The following MUC5AC variants were observed in gnomAD, a reference collection of about 807,000 sequenced individuals.
MUC5AC encodes mucin 5AC, oligomeric mucus/gel-forming.
In MUC5AC, 158 loss-of-function variants were observed where a neutral mutation model predicts 169.7. The ratio of observed to expected loss-of-function variants is 0.93; its 90% confidence interval spans 0.82 to 1.06. The LOEUF is 1.06. Among genes scored for constraint, MUC5AC ranks in the 50% least tolerant of loss-of-function variants. MUC5AC has a pLI of 0.00. For missense variants in MUC5AC, 4,359 were observed against 3,089.9 expected, an observed-to-expected ratio of 1.41 and a Z score of -9.74; for synonymous variants, 1,975 against 1,237.0, an observed-to-expected ratio of 1.60 and a Z score of -12.52.
intron 1 of MUC5AC, among the ~76,000 whole-genome samples, chr11:1,158,525 C>T (rs981414237): frequency 1.3e-5 from 2 of 152,190 alleles, no homozygotes; most frequent in African/African-American, 4.8e-5. Flanking sequence ...GGATCTCCTG[C>T]GGGGGGAGGT....
rs542206158 is a variant in MUC5AC at position 1,161,883 on chromosome 11, A to G, written c.212-24A>G. The G allele has an allele frequency of 3.1e-4, 499 of 1,605,502 alleles. 4 individuals carry two copies. The Admixed American group carries it at 8.3e-3, about 27-fold the overall frequency. On this transcript the variant is annotated intron_variant, in intron 3 of 48. Coordinates refer to ENST00000621226, the MANE Select transcript of MUC5AC (RefSeq NM_001304359.2). ...GGCGAGGATGAGGGCGACGCCCCCA[A>G]ACACCATGCTGCTTCCACCGCAGCC...
chr11:1,173,159 C>A (rs1430269251), intron 16 of MUC5AC, among the ~76,000 whole-genome samples: 1 of 152,178 alleles, frequency 6.6e-6, no homozygotes, highest in African/African-American at 2.4e-5. Context: ...CTCACTAATT[C>A]CTTCACCTAC....
rs1243646595 is a variant in MUC5AC, at chr11:1,186,958, C to T, written c.8813C>T (p.Thr2938Ile). Residue 2938 changes from threonine (T) to isoleucine (I), a missense_variant, in exon 31 of 49, where the codon ACC becomes ATC. Thr to Ile is a moderately conservative substitution (Grantham distance 89, BLOSUM62 -1). Coordinates refer to ENST00000621226, the MANE Select transcript of MUC5AC (RefSeq NM_001304359.2). ...ACCAGCACAATCTCTGTTCCTACAA[C>T]CAGCACAACTTCTGTTCCTGGAACT... ...TTTSTISVPT[T>I]STTSVPGTTP... is the part of the protein sequence containing the mutation. 4.1e-6 allele frequency: 3 copies of T among 735,550 alleles called. No individual in the cohort carries two copies. The African/African-American group carries it at 5.1e-5, about 13-fold the overall frequency. 45.6% of individuals were successfully genotyped at this position (735,550 alleles called of 1,614,324 possible).
chr11:1,162,201 G>A lies in MUC5AC; in HGVS notation c.473+33G>A, dbSNP rs1381148482. On this transcript the variant is annotated intron_variant, in intron 4 of 48. Transcript: ENST00000621226. The stretch of plus-strand genomic sequence containing the variant: ...TGGGTTCTGGGATGGTGGGGGCCAC[G>A]CGGCGTGTGGGGTGGCATTTCCGGG... 7 of 1,598,144 alleles carry A rather than the reference G, an allele frequency of 4.4e-6. No individual in the cohort carries two copies. The East Asian group carries it at 9.0e-5, about 20-fold the overall frequency.
rs1178964398 is a variant in MUC5AC, at chr11:1,184,776, G to A, written c.6631G>A (p.Val2211Met). ...GATGTGCCTCAACTACGAGGTGCGTGTGCTCTGCTGCGAGACCCCCAAAGG... is the reference window on the plus strand; with the variant it reads ...GATGTGCCTCAACTACGAGGTGCGTATGCTCTGCTGCGAGACCCCCAAAGG... ...FKMCLNYEVR[V>M]LCCETPKGCP... Residue 2211 changes from valine to methionine, a missense_variant, in exon 31 of 49, where the codon GTG (valine) becomes ATG (methionine). Transcript: ENST00000621226. 6.0e-5 allele frequency: 39 copies of A among 651,518 alleles called. No homozygotes were observed. The highest frequency in any genetic ancestry group is 2.5e-5 in the East Asian group (1 of 39,590). The allele number at this position is 651,518 out of a possible 1,614,324, so 40.4% of individuals were successfully genotyped here.
rs1253867615 is a variant in MUC5AC at position 1,189,584 on chromosome 11, C to A, written c.11439C>A (p.Thr3813=). 2.0e-5 allele frequency: 12 copies of A among 610,458 alleles called. 1 individual carries two copies. The highest frequency in any genetic ancestry group is 1.7e-4 in the African/African-American group (9 of 53,908). The allele number at this position is 610,458 out of a possible 1,614,324, so 37.8% of individuals were successfully genotyped here. A position where few individuals can be genotyped will look rare whatever the true frequency, so the allele number is the denominator to read the frequency against. ...PQTSTISSPT[T]STTSTPQTST... ...CCAGCACAATCTCTTCCCCTACAAC[C>A]AGCACAACCTCCACTCCGCAGACCA... Residue 3813 remains threonine (T), a synonymous_variant, in exon 31 of 49, where the codon ACC becomes ACA. Coordinates refer to ENST00000621226, the MANE Select transcript of MUC5AC (RefSeq NM_001304359.2).
chr11:1,197,569 C>A lies in MUC5AC; in HGVS notation c.15963C>A (p.Cys5321Ter), dbSNP rs1325862596. The A allele has an allele frequency of 5.6e-6, 4 of 718,112 alleles. No individual in the cohort carries two copies. Among genetic ancestry groups the A allele is most frequent in the Admixed American group, 1.9e-5 (1 of 52,774 alleles). 44.5% of individuals were successfully genotyped at this position (718,112 alleles called of 1,614,324 possible). Residue 5321 changes from cysteine to a stop codon, truncating the protein, a stop_gained, in exon 41 of 49, where the codon TGC becomes TGA. Transcript: ENST00000621226. LOFTEE classifies it high-confidence loss of function. ...AGCTCTGCCCGCTGCCCCCTGCCTG[C>A]CCCCTGCCCGGCTTCGTGCCTGTGC... Reference protein sequence around the residue: ...RPKLCPLPPACPLPGFVPVPA... With the variant: ...RPKLCPLPPA
At chr11:1,194,962 G>T (rs1263716029) in intron 35 of MUC5AC, 50 bp from the exon 36 acceptor site, 2 of 667,636 alleles carry the variant, frequency 3.0e-6, no homozygotes, top group Non-Finnish European at 5.5e-6. Flanking sequence ...TGGGGGTGGG[G>T]CCAGCCGGCT....
rs879241959 is a variant in MUC5AC at position 1,176,552 on chromosome 11, C to A, written c.2541C>A (p.Asp847Glu). 7.5e-6 allele frequency: 3 copies of A among 399,822 alleles called. No individual in the cohort carries two copies. In the East Asian group the frequency reaches 1.1e-4, roughly 14 times the overall value. 24.8% of individuals were successfully genotyped at this position (399,822 alleles called of 1,614,324 possible). The change falls in exon 21 of 49, where the codon GAC becomes GAA. Residue 847 changes from aspartate to glutamate, a missense_variant. Asp to Glu is a conservative substitution (Grantham distance 45, BLOSUM62 2). Transcript: ENST00000621226. ...PQCVPGCVCP[D>E]GLVADGEGGC... Reference sequence around the variant, plus strand: ...GTGTGCCTGGCTGCGTGTGCCCCGACGGGCTGGTGGCGGACGGCGAGGGCG... The same window carrying A: ...GTGTGCCTGGCTGCGTGTGCCCCGAAGGGCTGGTGGCGGACGGCGAGGGCG...
chr11:1,199,607 T>C, intron 46 of MUC5AC, 88 bp from the exon 47 acceptor site: 1 of 695,708 alleles, frequency 1.4e-6, no homozygotes, highest in Non-Finnish European at 2.6e-6. Flanking sequence ...GGCTGTCCAC[T>C]CCTGAGCCTG....
Position 1,199,318 on chromosome 11 carries a change from A to AGAGGGACAGACG in MUC5AC, c.16396-46_16396-35dup, listed in dbSNP as rs571853482. 666 of 700,506 alleles carry AGAGGGACAGACG rather than the reference A, an allele frequency of 9.5e-4. 6 individuals carry two copies. In the African/African-American group the frequency reaches 9.6e-3, roughly 10 times the overall value. The allele number at this position is 700,506 out of a possible 1,614,324, so 43.4% of individuals were successfully genotyped here. A position where few individuals can be genotyped will look rare whatever the true frequency, so the allele number is the denominator to read the frequency against. On this transcript the variant is annotated intron_variant, in intron 45 of 48. Transcript: ENST00000621226. ...GAAGCCCACGGGCTGGGGTGCAGAC[A>AGAGGGACAGACG]GAGGGACAGACGGAGGGAGGGTCAC...
rs1861050617 is a variant in MUC5AC at position 1,190,057 on chromosome 11, G to A, written c.11912G>A (p.Gly3971Glu). The stretch of plus-strand genomic sequence containing the variant: ...TTTGACGTGGACTTTCCATCCCCTG[G>A]ACCCCACGGTGGGGACAAGGAAACC... ...KWFDVDFPSP[G>E]PHGGDKETYN... The change falls in exon 31 of 49, where the codon GGA becomes GAA. Residue 3971 changes from glycine (G) to glutamate (E), a missense_variant. Gly to Glu is a moderately conservative substitution (Grantham distance 98, BLOSUM62 -2). Coordinates refer to ENST00000621226, the MANE Select transcript of MUC5AC (RefSeq NM_001304359.2). 5 of 764,866 alleles carry A rather than the reference G, an allele frequency of 6.5e-6. No homozygotes were observed. The highest frequency in any genetic ancestry group is 1.3e-5 in the South Asian group (1 of 74,594). 47.4% of individuals were successfully genotyped at this position (764,866 alleles called of 1,614,324 possible).
At chr11:1,193,830 G>A (rs2075842) in intron 33 of MUC5AC, among the ~76,000 whole-genome samples, 171 bp downstream of exon 33, 6 of 152,120 alleles carry the variant, frequency 3.9e-5, no homozygotes, top group African/African-American at 7.2e-5. Context: ...GAGCCTCCCC[G>A]CTTAGGGGTG....
chr11:1,197,659 AG>A lies in MUC5AC; in HGVS notation c.16033+24del, dbSNP rs1861312400. 3 of 678,918 alleles carry A rather than the reference AG, an allele frequency of 4.4e-6. No individual in the cohort carries two copies. The highest frequency in any genetic ancestry group is 4.0e-5 in the Admixed American group (2 of 49,850). 42.1% of individuals were successfully genotyped at this position (678,918 alleles called of 1,614,324 possible). On this transcript the variant is annotated intron_variant, in intron 41 of 48. Coordinates refer to ENST00000621226, the MANE Select transcript of MUC5AC (RefSeq NM_001304359.2). ...GCTGCGGTAAGCCCTTTGCTGGGTG[AG>A]GGGCATGGTGTGGCAGGCAGGTGAC...
rs28592983 is a variant in MUC5AC at position 1,196,002 on chromosome 11, T to C, written c.15585T>C (p.Cys5195=). The change falls in exon 37 of 49, where the codon TGT becomes TGC. Residue 5195 remains cysteine (C), a synonymous_variant. Coordinates refer to ENST00000621226, the MANE Select transcript of MUC5AC (RefSeq NM_001304359.2). ...GCCTGGAGCTGTACGCGGCACTCTG[T>C]GCGTCCCACGACATCTGCATCGATT... ...CSSLELYAAL[C]ASHDICIDWR... 480,160 of 764,430 alleles carry C rather than the reference T, an allele frequency of 0.63. 155,283 individuals are homozygous for C. Among genetic ancestry groups the C allele is most frequent in the African/African-American group, 0.87 (51,710 of 59,236 alleles). The allele number at this position is 764,430 out of a possible 1,614,324, so 47.4% of individuals were successfully genotyped here.
chr11:1,166,311 T>C (rs1233346611), intron 11 of MUC5AC, among the ~76,000 whole-genome samples: 8 of 110,482 alleles, frequency 7.2e-5, no homozygotes, highest in Non-Finnish European at 1.4e-4. Flanking sequence ...CAACACACAG[T>C]CTCCCACGAT....
intron 11 of MUC5AC, among the ~76,000 whole-genome samples, chr11:1,167,455 T>C (rs1403519291): frequency 6.6e-6 from 1 of 152,188 alleles, no homozygotes; most frequent in African/African-American, 2.4e-5. Flanking sequence ...CAGGTCATGG[T>C]TGACATCAGC....
intron 10 of MUC5AC, 74 bp from the exon 11 acceptor site, chr11:1,165,548 C>T (rs527429455): frequency 6.3e-7 from 1 of 1,596,682 alleles, no homozygotes; most frequent in Admixed American, 1.7e-5. Context: ...GAGACCCGGT[C>T]AGCCTCCTGA....
In MUC5AC at chr11:1,189,788, T is replaced by G. The variant is rs2133764511; in HGVS notation, c.11643T>G (p.Ser3881=). The G allele has an allele frequency of 8.5e-6, 6 of 707,092 alleles. No individual in the cohort carries two copies. The East Asian group carries it at 1.6e-4, about 18-fold the overall frequency. The allele number at this position is 707,092 out of a possible 1,614,324, so 43.8% of individuals were successfully genotyped here. ...TISAPTTSTT[S]FHTTSTTSPP... ...CTGCCCCTACAACCAGCACAACCTC[T>G]TTCCATACAACCAGCACAACCTCTC... The change falls in exon 31 of 49, where the codon TCT becomes TCG. Residue 3881 remains serine, a synonymous_variant. Transcript: ENST00000621226.
Sources: gnomAD v4.1 joint callset for allele counts (sites outside exome capture counted in the v4.1 genomes callset) on GRCh38, gnomAD v4.1.1 for gene constraint, MANE v1.5 for transcripts, NCBI Gene and HGNC (gene_info 2026-07-23, HGNC 2026-07-21) for gene names.